Variants in MYOF observed in about 807,000 individuals in gnomAD.
MYOF encodes fer-1-like 3, myoferlin.
MYOF carries 244 observed loss-of-function variants against 284.2 expected under a neutral mutation model. The observed-to-expected ratio is 0.86, with a 90% confidence interval of 0.77 to 0.95. MYOF has a LOEUF of 0.95. Ranked by LOEUF, MYOF falls within the 40% of genes least tolerant of loss-of-function variation. MYOF has a pLI of 0.00. For synonymous variants in MYOF, 904 were observed against 919.7 expected (o/e 0.98, Z 0.31); for missense variants, 2,496 against 2,560.6 (o/e 0.97, Z 0.54).
At position 93,325,832 on chromosome 10, in the gene MYOF, A is replaced by T. The variant is rs1843019112; in HGVS notation, c.5265T>A (p.Ile1755=). ...RTLHSTFQPN[I]SQGKLQMWVD... ...GGGAGGGAAGGCCCTTTACCTGGGAAATGTTGGGCTGGAAGGTGCTGTGCA... is the reference window on the plus strand; with the variant it reads ...GGGAGGGAAGGCCCTTTACCTGGGATATGTTGGGCTGGAAGGTGCTGTGCA... Residue 1755 remains isoleucine (I), a synonymous_variant, in exon 46 of 54, where the codon ATT becomes ATA. Transcript: ENST00000359263. 6.2e-7 allele frequency: 1 copy of T among 1,611,966 alleles called. No individual in the cohort carries two copies. Among genetic ancestry groups the T allele is most frequent in the African/African-American group, 1.3e-5 (1 of 74,794 alleles).
chr10:93,471,487 G>A (rs1245060174), intron 1 of MYOF, among the ~76,000 whole-genome samples: 6 of 152,144 alleles, frequency 3.9e-5, no homozygotes, highest in Non-Finnish European at 7.3e-5. Context: ...TCCATGCTGA[G>A]CTCAGTGAAG....
At chr10:93,432,346 T>C (rs902860608) in intron 3 of MYOF, among the ~76,000 whole-genome samples, 1 of 151,564 alleles carries the variant, frequency 6.6e-6, no homozygotes, top group African/African-American at 2.4e-5. Context: ...TATGATTGTA[T>C]CACTGTACCC....
At chr10:93,358,857 C>T (rs759527541) in intron 29 of MYOF, among the ~76,000 whole-genome samples, 28 of 151,776 alleles carry the variant, frequency 1.8e-4, no homozygotes, top group Non-Finnish European at 3.1e-4. Flanking sequence ...ATGTAGGCGA[C>T]GGGTTGATAG....
rs577896384 is a variant in MYOF at position 93,432,909 on chromosome 10, T to C, written c.237-1393A>G. On this transcript the variant is annotated intron_variant, in intron 3 of 53. Coordinates refer to ENST00000359263, the MANE Select transcript of MYOF (RefSeq NM_013451.4). ...TAAGTCTACATATATTGAGAATTAA[T>C]ACTCAAAACATTTTTATAGTTGGGG... 8.3e-4 allele frequency among the ~76,000 whole-genome samples: 127 copies of C among 152,318 alleles called. 2 individuals are homozygous for C. Among genetic ancestry groups the C allele is most frequent in the Non-Finnish European group, 7.5e-4 (51 of 68,040 alleles).
At chr10:93,445,188 C>T (rs911189877) in intron 3 of MYOF, among the ~76,000 whole-genome samples, 14 of 152,128 alleles carry the variant, frequency 9.2e-5, no homozygotes, top group African/African-American at 2.2e-4. Flanking sequence ...TAGTCAGAGG[C>T]TTTCAGTATA....
intron 43 of MYOF, 34 bp downstream of exon 43, chr10:93,333,187 G>A: frequency 1.9e-6 from 3 of 1,554,142 alleles, no homozygotes; most frequent in Non-Finnish European, 2.7e-6. Flanking sequence ...GTGGAGAAAT[G>A]AAGGCCAGAA....
intron 51 of MYOF, among the ~76,000 whole-genome samples, chr10:93,310,953 T>C (rs1350509695): frequency 6.6e-6 from 1 of 152,172 alleles, no homozygotes; most frequent in Non-Finnish European, 1.5e-5. Context: ...TAACTTCACT[T>C]GGACCCAGAC....
intron 3 of MYOF, among the ~76,000 whole-genome samples, chr10:93,441,842 C>T (rs775964970): frequency 1.3e-4 from 20 of 152,018 alleles, no homozygotes; most frequent in South Asian, 4.2e-4. Flanking sequence ...GAATTACAGG[C>T]GTGAGTCACC....
chr10:93,344,846 C>T (rs528983770), intron 37 of MYOF, among the ~76,000 whole-genome samples: 21 of 136,744 alleles, frequency 1.5e-4, no homozygotes, highest in Admixed American at 1.4e-3. Flanking sequence ...TTCTCAACAG[C>T]GTATGCAGAG....
At chr10:93,427,268 C>T (rs1386492553) in intron 4 of MYOF, among the ~76,000 whole-genome samples, 1 of 151,622 alleles carries the variant, frequency 6.6e-6, no homozygotes, top group African/African-American at 2.4e-5. Flanking sequence ...GGTGCAATGG[C>T]TTGCACTTTT....
intron 4 of MYOF, among the ~76,000 whole-genome samples, chr10:93,426,491 GAATTAC>G (rs1246386894): frequency 6.6e-5 from 10 of 152,196 alleles, no homozygotes; most frequent in Non-Finnish European, 5.9e-5. Context: ...TCCCATCACA[GAATTAC>G]AATTACAGAG....
chr10:93,412,670 C>T (rs1158768978), intron 5 of MYOF, among the ~76,000 whole-genome samples: 1 of 152,202 alleles, frequency 6.6e-6, no homozygotes, highest in East Asian at 1.9e-4. Flanking sequence ...CTTGCCTTTG[C>T]TTCTTTGTTT....
At position 93,370,311 on chromosome 10, in the gene MYOF, C is replaced by T. The variant is rs1258083485; in HGVS notation, c.2458-535G>A. 5.5e-5 allele frequency among the ~76,000 whole-genome samples: 6 copies of T among 108,266 alleles called. 2 individuals carry two copies. Among genetic ancestry groups the T allele is most frequent in the African/African-American group, 2.1e-4 (4 of 18,994 alleles). 71.0% of individuals were successfully genotyped at this position (108,266 alleles called of 152,430 possible). On this transcript the variant is annotated intron_variant, in intron 24 of 53. Transcript: ENST00000359263. The stretch of plus-strand genomic sequence containing the variant: ...TCTGTTGATCAAGCAGTAATGATTA[C>T]TAATTTTTTTTTTTTTTTTTTTTTG...
At chr10:93,448,980 G>C (rs556430179) in intron 3 of MYOF, among the ~76,000 whole-genome samples, 60 of 149,364 alleles carry the variant, frequency 4.0e-4, no homozygotes, top group African/African-American at 1.4e-3. Flanking sequence ...GGGTGACAGA[G>C]TGAGACTCTG....
chr10:93,379,773 A>C (rs1177523387), intron 21 of MYOF, 90 bp downstream of exon 21: 1 of 1,510,396 alleles, frequency 6.6e-7, no homozygotes, highest in African/African-American at 1.4e-5. Flanking sequence ...TGTACTAAGC[A>C]CTTTCTTGTG....
intron 5 of MYOF, among the ~76,000 whole-genome samples, chr10:93,415,385 C>G (rs1030424829): frequency 2.6e-5 from 4 of 152,204 alleles, no homozygotes; most frequent in African/African-American, 9.7e-5. Context: ...AGTGTCCTCA[C>G]AGGGCTGCCT....
intron 13 of MYOF, among the ~76,000 whole-genome samples, chr10:93,398,226 T>C (rs1847116029): frequency 6.6e-6 from 1 of 152,068 alleles, no homozygotes; most frequent in Non-Finnish European, 1.5e-5. Flanking sequence ...TTGGGGCCCT[T>C]CCATCGCCCT....
At chr10:93,423,725 C>T (rs1335195637) in intron 5 of MYOF, among the ~76,000 whole-genome samples, 18 of 150,694 alleles carry the variant, frequency 1.2e-4, no homozygotes, top group South Asian at 4.2e-4. Flanking sequence ...CCCAGCTACT[C>T]GGGAGGCTGA....
At chr10:93,388,419 C>G (rs1846506085) in intron 18 of MYOF, among the ~76,000 whole-genome samples, 1 of 152,196 alleles carries the variant, frequency 6.6e-6, no homozygotes. Context: ...GTTCTGGGTG[C>G]AGCTGAGCCT....
Sources: gnomAD v4.1 joint callset for allele counts (sites outside exome capture counted in the v4.1 genomes callset) on GRCh38, gnomAD v4.1.1 for gene constraint, MANE v1.5 for transcripts, NCBI Gene and HGNC (gene_info 2026-07-23, HGNC 2026-07-21) for gene names.